MEF2C: variants seen among roughly 807,000 people sequenced by gnomAD.
MEF2C encodes the protein myocyte enhancer factor 2C.
A neutral mutation model predicts 50.5 loss-of-function variants in MEF2C; 6 were observed. The ratio of observed to expected loss-of-function variants is 0.12; its 90% confidence interval spans 0.07 to 0.23. The LOEUF is 0.23. Among genes scored for constraint, MEF2C ranks in the 10% least tolerant of loss-of-function variants. The pLI is 1.00. For missense variants in MEF2C, 276 were observed against 605.0 expected (o/e 0.46, Z 5.70); for synonymous variants, 183 against 228.0 (o/e 0.80, Z 1.78).
rs561279092 is a variant in MEF2C, at chr5:88,742,473, A to G, written c.637+6597T>C. 1.4e-5 allele frequency: 14 copies of G among 980,536 alleles called. No homozygotes were observed. The South Asian group carries it at 5.7e-4, about 40-fold the overall frequency. The allele number at this position is 980,536 out of a possible 1,614,324, so 60.7% of individuals were successfully genotyped here. Reference sequence around the variant, plus strand: ...GGTTAAATCAATGGGATATGAGTAAAGAAACCAATCTTCACAGTACTTTAC... The same window carrying G: ...GGTTAAATCAATGGGATATGAGTAAGGAAACCAATCTTCACAGTACTTTAC... On this transcript the variant is annotated intron_variant, in intron 6 of 10. Transcript: ENST00000504921.
intron 2 of MEF2C, among the ~76,000 whole-genome samples, chr5:88,809,124 T>C (rs1185571305): frequency 6.6e-6 from 1 of 152,154 alleles, no homozygotes; most frequent in Non-Finnish European, 1.5e-5. Context: ...TAGCCCCAAA[T>C]GTGATGATGG....
At chr5:88,790,962 C>A (rs911665850) in intron 3 of MEF2C, among the ~76,000 whole-genome samples, 1 of 152,148 alleles carries the variant, frequency 6.6e-6, no homozygotes, top group African/African-American at 2.4e-5. Flanking sequence ...ATGAAAAGAG[C>A]CATCATCTTA....
chr5:88,741,820 G>A (rs1184890122), intron 6 of MEF2C: 7 of 984,796 alleles, frequency 7.1e-6, no homozygotes, highest in Non-Finnish European at 7.2e-6. Flanking sequence ...TTAAATTTGA[G>A]TTCAGTTAAA....
At chr5:88,813,569 C>T (rs1242010039) in intron 2 of MEF2C, among the ~76,000 whole-genome samples, 1 of 151,960 alleles carries the variant, frequency 6.6e-6, no homozygotes, top group Non-Finnish European at 1.5e-5. Flanking sequence ...AAGAAAAGGA[C>T]CTTTAGAAAC....
At chr5:88,903,478 T>A (rs188216388) in intron 1 of MEF2C, among the ~76,000 whole-genome samples, 1 of 151,986 alleles carries the variant, frequency 6.6e-6, no homozygotes, top group African/African-American at 2.4e-5. Flanking sequence ...GCACACATTT[T>A]AAAAAACCCA....
At chr5:88,887,709 G>A (rs1422382337), upstream of MEF2C, 1 of 152,178 alleles carries the variant, frequency 6.6e-6, no homozygotes, top group African/African-American at 2.4e-5. Context: ...ACAATATTCT[G>A]ATTTTAAACC....
intron 1 of MEF2C, among the ~76,000 whole-genome samples, chr5:88,864,731 C>T (rs1826704578): frequency 6.6e-6 from 1 of 151,752 alleles, no homozygotes; most frequent in African/African-American, 2.4e-5. Flanking sequence ...GTTAGGACAA[C>T]AGGCATATGC....
chr5:88,749,088 C>A lies in MEF2C; in HGVS notation c.619G>T (p.Gly207Cys). 1.3e-6 allele frequency: 2 copies of A among 1,575,462 alleles called. No homozygotes were observed. The highest frequency in any genetic ancestry group is 2.3e-5 in the South Asian group (2 of 85,408). Residue 207 changes from glycine (G) to cysteine (C), a missense_variant, in exon 6 of 11, where the codon GGT becomes TGT. Transcript: ENST00000504921. ...GGLMGGDLTS[G>C]AGTSAGNGYG... is the part of the protein sequence containing the mutation. ...GGCTTACCTGCACTGGTGCCTGCAC[C>A]AGACGTGAGGTCTCCACCCATCAGA...
intron 1 of MEF2C, among the ~76,000 whole-genome samples, chr5:88,897,830 T>C (rs1835271518): frequency 6.6e-6 from 1 of 152,200 alleles, no homozygotes; most frequent in East Asian, 1.9e-4. Flanking sequence ...GCAGGAGAAC[T>C]GATCCTCTTC....
At chr5:88,871,631 A>C (rs987392006) in intron 1 of MEF2C, among the ~76,000 whole-genome samples, 1 of 152,078 alleles carries the variant, frequency 6.6e-6, no homozygotes, top group African/African-American at 2.4e-5. Flanking sequence ...TGACATCCAA[A>C]ATATGATTTT....
intron 1 of MEF2C, among the ~76,000 whole-genome samples, chr5:88,858,165 T>C (rs148760272): frequency 6.6e-6 from 1 of 152,304 alleles, no homozygotes; most frequent in African/African-American, 2.4e-5. Flanking sequence ...AATGCATACA[T>C]CTTTCCTCCT....
chr5:88,788,040 G>T (rs1424225957), intron 3 of MEF2C, among the ~76,000 whole-genome samples: 1 of 152,148 alleles, frequency 6.6e-6, no homozygotes, highest in Non-Finnish European at 1.5e-5. Flanking sequence ...CCTGGCTCAG[G>T]TCCTGACTGA....
chr5:88,718,868 A>G lies in MEF2C; in HGVS notation c.*3736T>C, dbSNP rs1487176975. ...TTACATCTGTAGTCTGAAGCATTCT[A>G]ACAGACACCAGTATTCCAGCAATCT... On this transcript the variant is annotated 3_prime_UTR_variant, in exon 11 of 11. Coordinates refer to ENST00000504921, the MANE Select transcript of MEF2C (RefSeq NM_002397.5). The G allele has an allele frequency of 2.6e-5, 4 of 152,220 alleles. No homozygotes were observed. The highest frequency in any genetic ancestry group is 6.5e-5 in the Admixed American group (1 of 15,276). The allele number at this position is 152,220 out of a possible 1,614,324, so 9.4% of individuals were successfully genotyped here. A position where few individuals can be genotyped will look rare whatever the true frequency, so the allele number is the denominator to read the frequency against.
intron 6 of MEF2C, chr5:88,748,004 T>C (rs1770730034): frequency 1.0e-6 from 1 of 961,726 alleles, no homozygotes; most frequent in South Asian, 4.8e-5. Flanking sequence ...AAAAGATATA[T>C]AAAATAGGAA....
At chr5:88,779,322 A>G (rs1421282950) in intron 3 of MEF2C, among the ~76,000 whole-genome samples, 1 of 152,158 alleles carries the variant, frequency 6.6e-6, no homozygotes, top group African/African-American at 2.4e-5. Flanking sequence ...CCATGAGGTA[A>G]TGTACACTAT....
intron 3 of MEF2C, among the ~76,000 whole-genome samples, chr5:88,766,188 T>G (rs527980067): frequency 5.9e-5 from 9 of 152,256 alleles, no homozygotes; most frequent in African/African-American, 2.2e-4. Flanking sequence ...AAACTGATGA[T>G]GATAGGTGAC....
intron 2 of MEF2C, among the ~76,000 whole-genome samples, chr5:88,814,798 G>T (rs562938441): frequency 2.0e-5 from 3 of 152,082 alleles, no homozygotes; most frequent in East Asian, 1.9e-4. Context: ...ACTCATAAAA[G>T]TTTGAGTTTT....
intron 1 of MEF2C, among the ~76,000 whole-genome samples, chr5:88,838,252 A>G (rs2153284022): frequency 6.6e-6 from 1 of 152,138 alleles, no homozygotes; most frequent in East Asian, 1.9e-4. Context: ...AACTCATCTC[A>G]CATTTTCTTA....
At chr5:88,852,533 A>T (rs1030510126) in intron 1 of MEF2C, among the ~76,000 whole-genome samples, 1 of 152,120 alleles carries the variant, frequency 6.6e-6, no homozygotes, top group African/African-American at 2.4e-5. Context: ...TAATTATTTT[A>T]TTTTTCCAAG....
Sources: gnomAD v4.1 joint callset for allele counts (sites outside exome capture counted in the v4.1 genomes callset) on GRCh38, gnomAD v4.1.1 for gene constraint, MANE v1.5 for transcripts, NCBI Gene and HGNC (gene_info 2026-07-23, HGNC 2026-07-21) for gene names.